The following LRP8 variants were observed in gnomAD, a reference collection of about 807,000 sequenced individuals.
The protein encoded by LRP8 is LDL receptor related protein 8, also known as low-density lipoprotein receptor-related protein 8.
LRP8 carries 46 observed loss-of-function variants against 111.6 expected under a neutral mutation model. The observed-to-expected ratio is 0.41, with a 90% CI of 0.33 to 0.53. LRP8 has a LOEUF of 0.53. LRP8 is among the 20% of genes least tolerant of loss of function. The probability of loss-of-function intolerance (pLI) is 0.20; values close to 1 mark genes in which losing one functional copy is unlikely to be tolerated. For synonymous variants in LRP8, 464 were observed against 511.2 expected (o/e 0.91, Z 1.24); for missense variants, 959 against 1,297.4 (o/e 0.74, Z 4.01).
rs538688395 is a variant in LRP8 at position 53,254,986 on chromosome 1, G to C, written c.2503+131C>G. 8.6e-6 allele frequency: 8 copies of C among 928,000 alleles called. No individual in the cohort carries two copies. The South Asian group carries it at 1.2e-4, about 13-fold the overall frequency. 57.5% of individuals were successfully genotyped at this position (928,000 alleles called of 1,614,324 possible). On this transcript the variant is annotated intron_variant, in intron 16 of 18. Coordinates refer to ENST00000306052, the MANE Select transcript of LRP8 (RefSeq NM_004631.5). ...AAAAACCAAATTAAATCAGGACTGGGAGGTGGGCAGGAAGGCTGCAAGGGC... is the reference window on the plus strand; with the variant it reads ...AAAAACCAAATTAAATCAGGACTGGCAGGTGGGCAGGAAGGCTGCAAGGGC...
chr1:53,327,272 CAT>C, intron 1 of LRP8: 2 of 469,970 alleles, frequency 4.3e-6, no homozygotes, highest in Non-Finnish European at 7.7e-6. Flanking sequence ...ACACGCGACC[CAT>C]AGTCAGAGAT....
chr1:53,307,126 T>C lies in LRP8; in HGVS notation c.245-17437A>G, dbSNP rs562791620. Among the ~76,000 whole-genome samples, 6 of 152,242 alleles carry C rather than the reference T, an allele frequency of 3.9e-5. No individual in the cohort carries two copies. The South Asian group carries it at 1.2e-3, about 32-fold the overall frequency. On this transcript the variant is annotated intron_variant, in intron 2 of 18. Coordinates refer to ENST00000306052, the MANE Select transcript of LRP8 (RefSeq NM_004631.5). Reference sequence around the variant, plus strand: ...CTCTCAGAACCACTTTGAGCCACCATGAAAATCTAACAGCATAAAGATGCC... The same window carrying C: ...CTCTCAGAACCACTTTGAGCCACCACGAAAATCTAACAGCATAAAGATGCC...
Position 53,291,045 on chromosome 1 carries a change from G to A in LRP8, c.245-1356C>T, listed in dbSNP as rs187259365. ...AAGGTGAGGAAGAGAGCACTGGGCA[G>A]GGAGTCCGGAGGTCTGGATTTGAGA... On this transcript the variant is annotated intron_variant, in intron 2 of 18. Coordinates refer to ENST00000306052, the MANE Select transcript of LRP8 (RefSeq NM_004631.5). 2.4e-3 allele frequency among the ~76,000 whole-genome samples: 361 copies of A among 152,320 alleles called. 3 individuals are homozygous for A. The highest frequency in any genetic ancestry group is 0.014 in the Middle Eastern group (4 of 294).
At chr1:53,306,707 G>A (rs939327265) in intron 2 of LRP8, among the ~76,000 whole-genome samples, 1 of 152,210 alleles carries the variant, frequency 6.6e-6, no homozygotes, top group Non-Finnish European at 1.5e-5. Flanking sequence ...TTCAGAGTCT[G>A]CAAGGCTGGG....
rs1211394473 is a variant in LRP8, at chr1:53,243,122, T to G, written c.*3896A>C. ...AAAGGAATTATTTACTCTGAAACAT[T>G]TAATGCTAACTCATTTATATTTTGT... On this transcript the variant is annotated 3_prime_UTR_variant, in exon 19 of 19. Transcript: ENST00000306052. 6.6e-6 allele frequency: 1 copy of G among 152,208 alleles called. No homozygotes were observed. The highest frequency in any genetic ancestry group is 1.5e-5 in the Non-Finnish European group (1 of 68,028). 9.4% of individuals were successfully genotyped at this position (152,208 alleles called of 1,614,324 possible).
At chr1:53,325,500 G>T (rs1256384147) in intron 2 of LRP8, among the ~76,000 whole-genome samples, 4 of 152,216 alleles carry the variant, frequency 2.6e-5, no homozygotes, top group Admixed American at 2.0e-4. Context: ...TGTTGCTGGG[G>T]CAGGAATTAT....
intron 2 of LRP8, among the ~76,000 whole-genome samples, chr1:53,290,839 T>C (rs1648597663): frequency 6.6e-6 from 1 of 151,990 alleles, no homozygotes; most frequent in South Asian, 2.1e-4. Context: ...CAGTAGGTGG[T>C]GGGGGTGCGG....
Position 53,277,059 on chromosome 1 carries a change from G to C in LRP8, c.516C>G (p.Phe172Leu). The change falls in exon 5 of 19, where the codon TTC becomes TTG. Residue 172 changes from phenylalanine to leucine, a missense_variant. By Grantham distance (22) the Phe-to-Leu change is conservative. Coordinates refer to ENST00000306052, the MANE Select transcript of LRP8 (RefSeq NM_004631.5). ...GCATLCAPHE[F>L]QCGNRSCLAA... ...CCAGGCACGAGCGGTTGCCGCACTG[G>C]AACTCGTGCGGGGCGCACACTGCGC... 2 of 1,523,036 alleles carry C rather than the reference G, an allele frequency of 1.3e-6. No homozygotes were observed. Among genetic ancestry groups the C allele is most frequent in the African/African-American group, 1.4e-5 (1 of 71,276 alleles). 94.3% of individuals were successfully genotyped at this position (1,523,036 alleles called of 1,614,324 possible). A position where few individuals can be genotyped will look rare whatever the true frequency, so the allele number is the denominator to read the frequency against.
At chr1:53,305,530 A>T (rs10493173) in intron 2 of LRP8, 2 of 152,188 alleles carry the variant, frequency 1.3e-5, no homozygotes, top group Non-Finnish European at 2.9e-5. Flanking sequence ...TTCTCCATGT[A>T]TAAAGTAGAA....
Position 53,326,956 on chromosome 1 carries a change from C to T in LRP8, c.161G>A (p.Cys54Tyr). 1.2e-6 allele frequency: 2 copies of T among 1,613,826 alleles called. No homozygotes were observed. Among genetic ancestry groups the T allele is most frequent in the Non-Finnish European group, 1.7e-6 (2 of 1,180,004 alleles). ...AKDCEKDQFQ[C>Y]RNERCIPSVW... ...AGAGGGGATGCAGCGCTCGTTCCGG[C>T]ACTGGAATTGGTCCTTTTCGCAATC... Residue 54 changes from cysteine (C) to tyrosine (Y), a missense_variant, in exon 2 of 19, where the codon TGC (cysteine) becomes TAC (tyrosine). Around this residue, in one of 3 missense-constraint regions of LRP8, gnomAD observed 97 missense variants for 107.5 expected, o/e 0.90. Transcript: ENST00000306052.
chr1:53,255,469 T>C (rs1053938787), intron 15 of LRP8, among the ~76,000 whole-genome samples: 1 of 152,236 alleles, frequency 6.6e-6, no homozygotes, highest in East Asian at 1.9e-4. Context: ...ATGTCCCAAG[T>C]CCCATACCCT....
intron 16 of LRP8, among the ~76,000 whole-genome samples, chr1:53,254,594 C>G (rs565012887): frequency 3.5e-4 from 54 of 152,238 alleles, no homozygotes; most frequent in Non-Finnish European, 6.6e-4. Context: ...TTTTGTAGGA[C>G]AGAACCATGT....
rs1653996318 is a variant in LRP8, at chr1:53,317,768, CCT to C, written c.244+9103_244+9104del. Among the ~76,000 whole-genome samples, 1 of 152,204 alleles carries C rather than the reference CCT, an allele frequency of 6.6e-6. No homozygotes were observed. The highest frequency in any genetic ancestry group is 2.4e-5 in the African/African-American group (1 of 41,436). On this transcript the variant is annotated intron_variant, in intron 2 of 18. Coordinates refer to ENST00000306052, the MANE Select transcript of LRP8 (RefSeq NM_004631.5). This position sits in a 1 kb window ranked among gnomAD's most constrained non-coding sequence, Gnocchi z 4.9. ...CGGAAAGTCTCATGAAGCTGGTGGG[CCT>C]CACTCCATTTTTCTCCATCACTGCA...
intron 3 of LRP8, chr1:53,289,252 C>T (rs764513085): frequency 2.3e-5 from 5 of 219,760 alleles, no homozygotes; most frequent in South Asian, 1.1e-4. Context: ...GAATTATGGT[C>T]GGGGTCCTCA....
intron 2 of LRP8, among the ~76,000 whole-genome samples, chr1:53,321,563 G>GTC (rs894453346): frequency 4.6e-5 from 7 of 151,954 alleles, no homozygotes; most frequent in South Asian, 4.1e-4. Context: ...CCCCCTGGGG[G>GTC]TCTCTCTCTC....
Position 53,257,357 on chromosome 1 carries a change from G to A in LRP8, c.2317C>T (p.His773Tyr), listed in dbSNP as rs1646134295. ...TTVHRSTYQN[H>Y]STETPSLTAA... is the part of the protein sequence containing the mutation. ...GTCAGGCTTGGTGTCTCTGTGCTGT[G>A]GTTCTGGTAGGTGGATCTGTGGACG... The change falls in exon 15 of 19, where the codon CAC (histidine) becomes TAC (tyrosine). Residue 773 changes from histidine to tyrosine, a missense_variant. By Grantham distance (83) the His-to-Tyr change is moderately conservative. Transcript: ENST00000306052. The A allele has an allele frequency of 6.2e-7, 1 of 1,614,052 alleles. No individual in the cohort carries two copies. The highest frequency in any genetic ancestry group is 1.7e-5 in the Admixed American group (1 of 60,002).
Position 53,276,980 on chromosome 1 carries a change from G to T in LRP8, c.595C>A (p.Arg199Ser), listed in dbSNP as rs1277104585. 9 of 1,509,614 alleles carry T rather than the reference G, an allele frequency of 6.0e-6. No homozygotes were observed. Among genetic ancestry groups the T allele is most frequent in the African/African-American group, 2.8e-5 (2 of 70,214 alleles). 93.5% of individuals were successfully genotyped at this position (1,509,614 alleles called of 1,614,324 possible). Residue 199 changes from arginine to serine, a missense_variant, in exon 5 of 19, where the codon CGC becomes AGC. Around this residue, in one of 3 missense-constraint regions of LRP8, gnomAD observed 819 missense variants for 1,097.6 expected, o/e 0.75. Coordinates refer to ENST00000306052, the MANE Select transcript of LRP8 (RefSeq NM_004631.5). Reference protein sequence around the residue: ...DDDCGDGSDERGCADPACGPR... With the variant: ...DDDCGDGSDESGCADPACGPR... Reference sequence around the variant, plus strand: ...CCGCAGGCCGGGTCTGCACAGCCGCGCTCATCGCTGCCGTCACCACAGTCG... The same window carrying T: ...CCGCAGGCCGGGTCTGCACAGCCGCTCTCATCGCTGCCGTCACCACAGTCG...
chr1:53,291,844 C>T (rs1309920311), intron 2 of LRP8: 4 of 152,160 alleles, frequency 2.6e-5, no homozygotes, highest in African/African-American at 9.7e-5. Context: ...AGGCCTGTGG[C>T]CTGTATTTTG....
At position 53,243,450 on chromosome 1, in the gene LRP8, C is replaced by A; in HGVS notation, c.*3568G>T. ...GCATTTCCCTTTGGCCACTGGAAAG[C>A]TTGAGGCTGAATAATATCAGTTCTG... On this transcript the variant is annotated 3_prime_UTR_variant, in exon 19 of 19. Transcript: ENST00000306052. The A allele has an allele frequency of 6.6e-6, 1 of 152,362 alleles. No homozygotes were observed. Among genetic ancestry groups the A allele is most frequent in the Non-Finnish European group, 1.5e-5 (1 of 68,030 alleles). 9.4% of individuals were successfully genotyped at this position (152,362 alleles called of 1,614,324 possible).
Sources: allele counts gnomAD v4.1 joint callset (sites outside exome capture counted in the v4.1 genomes callset), GRCh38; gene constraint gnomAD v4.1.1; regional missense constraint gnomAD v4.1.1; non-coding constraint Gnocchi (gnomAD v3.1); transcripts MANE v1.5; gene names NCBI Gene and HGNC (gene_info 2026-07-23, HGNC 2026-07-21).